Variants in IL17REL observed in about 807,000 individuals in gnomAD.
IL17REL encodes the protein interleukin-17 receptor E-like protein.
A neutral mutation model predicts 49.0 loss-of-function variants in IL17REL; 36 were observed. That is an observed-to-expected ratio of 0.73 (90% CI 0.56 to 0.97). The LOEUF is 0.97. IL17REL is among the 50% of genes least tolerant of loss of function. The pLI is 0.00. For missense variants in IL17REL, 470 were observed against 453.9 expected (o/e 1.04, Z -0.32); for synonymous variants, 206 against 192.4 (o/e 1.07, Z -0.58).
chr22:50,008,067 G>A (rs549867234), intron 1 of IL17REL, among the ~76,000 whole-genome samples: 1 of 152,188 alleles, frequency 6.6e-6, no homozygotes, highest in East Asian at 1.9e-4. Context: ...TGACCAACCA[G>A]AGATAGGAAG....
intron 3 of IL17REL, 31 bp from the exon 5 acceptor site, chr22:50,000,623 C>T (rs2061072407): frequency 1.3e-6 from 2 of 1,587,940 alleles, no homozygotes; most frequent in Middle Eastern, 1.8e-4. Context: ...GCTGCGTGGA[C>T]TCAGAGGCAC....
chr22:50,000,929 G>C, intron 2 of IL17REL, 66 bp from the exon 4 acceptor site: 1 of 1,325,916 alleles, frequency 7.5e-7, no homozygotes, highest in Non-Finnish European at 1.0e-6. Context: ...GGACGGGGCC[G>C]TGGGACCCTG....
At chr22:50,007,669 G>A (rs1289885440) in intron 1 of IL17REL, among the ~76,000 whole-genome samples, 1 of 151,804 alleles carries the variant, frequency 6.6e-6, no homozygotes, top group Non-Finnish European at 1.5e-5. Context: ...GTGAGCCACC[G>A]CATCAGCCAT....
At chr22:50,004,462 C>T (rs1219219512) in intron 1 of IL17REL, among the ~76,000 whole-genome samples, 1 of 152,106 alleles carries the variant, frequency 6.6e-6, no homozygotes, top group Non-Finnish European at 1.5e-5. Flanking sequence ...GTGAGGGGAG[C>T]TTTGTTCCCA....
chr22:50,010,945 C>T (rs1023575788), upstream of IL17REL, among the ~76,000 whole-genome samples: 3 of 151,872 alleles, frequency 2.0e-5, no homozygotes, highest in Admixed American at 6.6e-5. Flanking sequence ...CTGCTCGCGG[C>T]CCCACCCCGC....
At chr22:49,992,333 G>C (rs1317989866), downstream of IL17REL, among the ~76,000 whole-genome samples, 1 of 152,194 alleles carries the variant, frequency 6.6e-6, no homozygotes, top group Non-Finnish European at 1.5e-5. Flanking sequence ...AGGCAGTCAG[G>C]GACCCTGTTA....
At chr22:50,000,956 C>T (rs2061075859) in intron 2 of IL17REL, 93 bp from the exon 4 acceptor site, 1 of 1,284,414 alleles carries the variant, frequency 7.8e-7, no homozygotes, top group Admixed American at 2.3e-5. Context: ...TGCCTTCTCT[C>T]TGTGAAGTGC....
chr22:50,011,343 C>T (rs2146766481), upstream of IL17REL, among the ~76,000 whole-genome samples: 1 of 152,002 alleles, frequency 6.6e-6, no homozygotes, highest in Non-Finnish European at 1.5e-5. Flanking sequence ...AATCTTGGTC[C>T]CCACCCATTC....
At chr22:50,000,025 C>T (rs1175651611) in intron 4 of IL17REL, 58 bp from the exon 7 acceptor site, 16 of 1,410,044 alleles carry the variant, frequency 1.1e-5, no homozygotes, top group South Asian at 1.5e-5. Context: ...ACGCGGGGCT[C>T]TGTCTGTCCC....
chr22:50,000,912 T>G, intron 2 of IL17REL, 49 bp from the exon 4 acceptor site: 2 of 1,415,194 alleles, frequency 1.4e-6, no homozygotes, highest in Non-Finnish European at 1.9e-6. Context: ...GGGCCGCCCC[T>G]GGCTCCGGAC....
At chr22:49,992,550 C>T (rs2061011470), downstream of IL17REL, among the ~76,000 whole-genome samples, 1 of 152,250 alleles carries the variant, frequency 6.6e-6, no homozygotes, top group African/African-American at 2.4e-5. Context: ...GCCTTGGCCT[C>T]CCAAAGTGCT....
At chr22:49,998,852 T>G (rs1364410041) in intron 7 of IL17REL, among the ~76,000 whole-genome samples, 1 of 151,990 alleles carries the variant, frequency 6.6e-6, no homozygotes, top group Non-Finnish European at 1.5e-5. Context: ...TGTGTGCATG[T>G]GTATGGGCGT....
At chr22:49,999,916 T>G (rs964619891) in exon 5 of IL17REL, 26 of 1,535,416 alleles carry the variant, frequency 1.7e-5, no homozygotes, top group Non-Finnish European at 2.2e-5. Flanking sequence ...CCTGGGCACT[T>G]GCACCAGAAT....
chr22:50,002,830 G>A (rs962231682), intron 1 of IL17REL, among the ~76,000 whole-genome samples: 1 of 152,200 alleles, frequency 6.6e-6, no homozygotes, highest in African/African-American at 2.4e-5. Context: ...ACTGTAGTCC[G>A]GATGGACTCA....
intron 1 of IL17REL, among the ~76,000 whole-genome samples, chr22:50,007,266 G>A (rs1015668609): frequency 3.9e-5 from 6 of 152,144 alleles, no homozygotes; most frequent in East Asian, 1.9e-4. Flanking sequence ...CACCCAATGC[G>A]TAGGTTTATG....
chr22:50,004,985 A>C (rs994079980), intron 1 of IL17REL, among the ~76,000 whole-genome samples: 1 of 151,386 alleles, frequency 6.6e-6, no homozygotes, highest in Non-Finnish European at 1.5e-5. Flanking sequence ...AAAAAAAAAA[A>C]AAAAAAAGGT....
At chr22:50,006,820 T>A (rs1268994592) in intron 1 of IL17REL, among the ~76,000 whole-genome samples, 1 of 151,884 alleles carries the variant, frequency 6.6e-6, no homozygotes, top group Non-Finnish European at 1.5e-5. Context: ...CCAGGCATGG[T>A]GGCACATGCC....
At chr22:50,000,292 C>A (rs1027238826) in intron 4 of IL17REL, among the ~76,000 whole-genome samples, 52 bp from the exon 6 acceptor site, 12 of 152,212 alleles carry the variant, frequency 7.9e-5, no homozygotes, top group Non-Finnish European at 1.6e-4. Flanking sequence ...CCCTCAGGGG[C>A]CATCCTCCTC....
At chr22:50,000,516 A>G (rs768107154) in exon 4 of IL17REL, 24 of 1,613,468 alleles carry the variant, frequency 1.5e-5, no homozygotes, top group Non-Finnish European at 2.0e-5. Context: ...GACCCCGCAG[A>G]AATGAGGGAT....
Sources: gnomAD v4.1 joint callset for allele counts (sites outside exome capture counted in the v4.1 genomes callset) on GRCh38, gnomAD v4.1.1 for gene constraint, MANE v1.5 for transcripts, NCBI Gene and HGNC (gene_info 2026-07-23, HGNC 2026-07-21) for gene names.